RGS7: variants seen among roughly 807,000 people sequenced by gnomAD.
RGS7 encodes regulator of G protein signaling 7.
Under a neutral mutation model 81.1 loss-of-function variants are expected in RGS7, and 27 were observed. The observed-to-expected ratio is 0.33, with a 90% confidence interval of 0.25 to 0.46. RGS7 has a LOEUF of 0.46. RGS7 is among the 20% of genes least tolerant of loss of function. The pLI is 1.00. For synonymous variants in RGS7, 208 were observed against 207.7 expected (o/e 1.00, Z -0.01); for missense variants, 396 against 607.4 (o/e 0.65, Z 3.66).
At chr1:240,992,153 C>T (rs745633764) in intron 3 of RGS7, among the ~76,000 whole-genome samples, 6 of 152,082 alleles carry the variant, frequency 3.9e-5, no homozygotes, top group African/African-American at 7.2e-5. Context: ...ATTCCAATTC[C>T]GGAAATTTCC....
intron 6 of RGS7, among the ~76,000 whole-genome samples, chr1:240,897,971 G>T (rs1260125356): frequency 6.6e-6 from 1 of 152,152 alleles, no homozygotes; most frequent in Non-Finnish European, 1.5e-5. Flanking sequence ...CCTGTTATTG[G>T]TCTATTCAGG....
At chr1:241,194,962 G>A (rs1306364979) in intron 2 of RGS7, among the ~76,000 whole-genome samples, 1 of 152,218 alleles carries the variant, frequency 6.6e-6, no homozygotes, top group Non-Finnish European at 1.5e-5. Flanking sequence ...CCCTGCAAGT[G>A]AGTGTAAACA....
intron 2 of RGS7, among the ~76,000 whole-genome samples, chr1:241,189,982 A>G (rs1053224821): frequency 3.9e-5 from 6 of 152,160 alleles, no homozygotes; most frequent in Non-Finnish European, 5.9e-5. Context: ...GGGCACCTGT[A>G]GTCCCAGCTA....
chr1:241,315,112 T>C (rs2080795068), intron 2 of RGS7, among the ~76,000 whole-genome samples: 5 of 96,840 alleles, frequency 5.2e-5, no homozygotes, highest in Non-Finnish European at 9.6e-5. Flanking sequence ...TTCTTCTTTT[T>C]TTTTTTTTTT....
At chr1:240,819,495 C>T (rs1407246333) in intron 10 of RGS7, among the ~76,000 whole-genome samples, 1 of 152,178 alleles carries the variant, frequency 6.6e-6, no homozygotes, top group Non-Finnish European at 1.5e-5. Context: ...AATCCCAGTA[C>T]TTTGGGAGGC....
intron 2 of RGS7, among the ~76,000 whole-genome samples, chr1:241,183,957 C>A (rs188143975): frequency 1.4e-3 from 206 of 152,256 alleles, no homozygotes; most frequent in African/African-American, 4.6e-3. Context: ...GACAGCAACA[C>A]CCTGTTGGGC....
chr1:240,848,792 A>G (rs1002957902), intron 9 of RGS7, among the ~76,000 whole-genome samples: 6 of 152,222 alleles, frequency 3.9e-5, no homozygotes, highest in Admixed American at 6.5e-5. Flanking sequence ...CTATAAATGT[A>G]TAACATTTGA....
At chr1:241,024,728 T>C (rs928455211) in intron 3 of RGS7, among the ~76,000 whole-genome samples, 2 of 152,188 alleles carry the variant, frequency 1.3e-5, no homozygotes, top group African/African-American at 2.4e-5. Flanking sequence ...GAGAGAGATG[T>C]ATATTGATGC....
At chr1:241,124,358 C>T (rs1023543249) in intron 2 of RGS7, among the ~76,000 whole-genome samples, 1 of 152,108 alleles carries the variant, frequency 6.6e-6, no homozygotes, top group African/African-American at 2.4e-5. Context: ...TGCACCACTG[C>T]ACTCCAGCCT....
intron 9 of RGS7, among the ~76,000 whole-genome samples, chr1:240,863,664 G>GACCTA (rs1662674280): frequency 6.6e-6 from 1 of 152,012 alleles, no homozygotes; most frequent in East Asian, 1.9e-4. Flanking sequence ...CATGTTAGTT[G>GACCTA]GATTCCCCTA....
intron 4 of RGS7, among the ~76,000 whole-genome samples, chr1:240,943,069 C>T (rs999684178): frequency 6.6e-6 from 1 of 151,776 alleles, no homozygotes; most frequent in Non-Finnish European, 1.5e-5. Context: ...AATCATAATT[C>T]GGGATAGAGA....
At position 240,932,513 on chromosome 1, in the gene RGS7, C is replaced by CTTTTTTTTTTTTTTT. The variant is rs56232293; in HGVS notation, c.334-1746_334-1745insAAAAAAAAAAAAAAA. On this transcript the variant is annotated intron_variant, in intron 5 of 18. Transcript: ENST00000440928. ...AACTTTGCTTTCATGTAGGGTGTCA[C>CTTTTTTTTTTTTTTT]TTTTTTTTTTTTTGAGACAGGGTCT... Among the ~76,000 whole-genome samples the CTTTTTTTTTTTTTTT allele has an allele frequency of 1.6e-5, 2 of 126,908 alleles. 1 individual carries two copies. Among genetic ancestry groups the CTTTTTTTTTTTTTTT allele is most frequent in the Non-Finnish European group, 3.2e-5 (2 of 62,816 alleles). 83.3% of individuals were successfully genotyped at this position (126,908 alleles called of 152,430 possible).
chr1:241,212,003 C>T (rs1040149185), intron 2 of RGS7, among the ~76,000 whole-genome samples: 1 of 151,860 alleles, frequency 6.6e-6, no homozygotes, highest in Admixed American at 6.6e-5. Context: ...ACCCATTAAT[C>T]ATTACCAATC....
chr1:241,274,350 C>T (rs1255739870), intron 2 of RGS7, among the ~76,000 whole-genome samples: 1 of 152,178 alleles, frequency 6.6e-6, no homozygotes, highest in African/African-American at 2.4e-5. Flanking sequence ...ATTAACCAGA[C>T]ACCTAACTGG....
chr1:241,066,217 C>T (rs376664685), intron 3 of RGS7, among the ~76,000 whole-genome samples: 1 of 152,120 alleles, frequency 6.6e-6, no homozygotes, highest in Non-Finnish European at 1.5e-5. Context: ...CTCATTTTCC[C>T]TCCTTGAGTC....
At chr1:241,034,532 T>A (rs1426619897) in intron 3 of RGS7, among the ~76,000 whole-genome samples, 1 of 151,842 alleles carries the variant, frequency 6.6e-6, no homozygotes, top group African/African-American at 2.4e-5. Context: ...GGTAACAAGG[T>A]CCATTTGATG....
At chr1:240,778,828 G>A (rs927007593) in intron 18 of RGS7, among the ~76,000 whole-genome samples, 14 of 152,234 alleles carry the variant, frequency 9.2e-5, no homozygotes, top group African/African-American at 2.4e-4. Context: ...CACTGCGCCC[G>A]GCTGATATCA....
intron 2 of RGS7, among the ~76,000 whole-genome samples, chr1:241,306,891 CA>C (rs2080204103): frequency 6.6e-6 from 1 of 152,128 alleles, no homozygotes; most frequent in Admixed American, 6.5e-5. Flanking sequence ...GGTTAACTGG[CA>C]AAACATGTTA....
At chr1:241,062,685 T>TC (rs2061806186) in intron 3 of RGS7, among the ~76,000 whole-genome samples, 2 of 152,160 alleles carry the variant, frequency 1.3e-5, no homozygotes, top group African/African-American at 4.8e-5. Context: ...CCCCTTTTTT[T>TC]CCCCAAAGGT....
Sources: allele counts gnomAD v4.1 joint callset (sites outside exome capture counted in the v4.1 genomes callset), GRCh38; gene constraint gnomAD v4.1.1; transcripts MANE v1.5; gene names NCBI Gene and HGNC (gene_info 2026-07-23, HGNC 2026-07-21).